FAF1: variants seen among roughly 807,000 people sequenced by gnomAD.
FAF1 encodes the protein FAS-associated factor 1.
A neutral mutation model predicts 92.5 loss-of-function variants in FAF1; 25 were observed. That is an observed-to-expected ratio of 0.27 (90% CI 0.20 to 0.38). The LOEUF is 0.38. Among genes scored for constraint, FAF1 ranks in the 10% least tolerant of loss-of-function variants. The pLI, the probability that FAF1 is intolerant of heterozygous loss-of-function variation, is 1.00. For missense variants in FAF1, 636 were observed against 793.3 expected, an observed-to-expected ratio of 0.80 and a Z score of 2.38; for synonymous variants, 234 against 273.2, an observed-to-expected ratio of 0.86 and a Z score of 1.42.
At chr1:50,880,479 G>C (rs527443062) in intron 1 of FAF1, among the ~76,000 whole-genome samples, 2 of 152,142 alleles carry the variant, frequency 1.3e-5, no homozygotes, top group Admixed American at 6.5e-5. Flanking sequence ...TCACAAGGAC[G>C]GGGCACTGAT....
chr1:50,836,820 C>T (rs1447441362), intron 2 of FAF1, among the ~76,000 whole-genome samples: 2 of 151,978 alleles, frequency 1.3e-5, no homozygotes, highest in African/African-American at 4.8e-5. Context: ...TAAGGATATT[C>T]TCTTTATAAC....
chr1:50,592,481 AT>A (rs1195090613), intron 9 of FAF1, among the ~76,000 whole-genome samples: 3 of 152,206 alleles, frequency 2.0e-5, no homozygotes, highest in Admixed American at 1.3e-4. Flanking sequence ...AAGAAAAAAT[AT>A]TAAATGATCG....
intron 8 of FAF1, among the ~76,000 whole-genome samples, chr1:50,650,284 C>CAAAAAAAAAAAAA: frequency 1.2e-5 from 1 of 84,254 alleles, no homozygotes; most frequent in Non-Finnish European, 2.3e-5. Flanking sequence ...AACTCTGTCT[C>CAAAAAAAAAAAAA]AAAAAAAAAA....
intron 2 of FAF1, among the ~76,000 whole-genome samples, chr1:50,847,649 G>T (rs988367061): frequency 6.6e-6 from 1 of 151,984 alleles, no homozygotes; most frequent in Non-Finnish European, 1.5e-5. Flanking sequence ...AAAGAGGAGA[G>T]AGAAAGAAAA....
intron 13 of FAF1, among the ~76,000 whole-genome samples, chr1:50,560,673 T>C (rs759965118): frequency 2.0e-5 from 3 of 152,238 alleles, no homozygotes; most frequent in Non-Finnish European, 4.4e-5. Flanking sequence ...CCAGCACTCA[T>C]AGCCAGCTGA....
intron 7 of FAF1, among the ~76,000 whole-genome samples, 178 bp from the exon 8 acceptor site, chr1:50,655,706 A>C (rs1014221675): frequency 2.8e-4 from 42 of 152,236 alleles, no homozygotes; most frequent in Admixed American, 1.9e-3. Flanking sequence ...TCAAATTTAA[A>C]AGCAGATTCT....
intron 6 of FAF1, among the ~76,000 whole-genome samples, chr1:50,737,088 C>T (rs1659170840): frequency 6.6e-6 from 1 of 152,032 alleles, no homozygotes. Context: ...TTTTGTTCAC[C>T]TTTGAACTTT....
intron 8 of FAF1, among the ~76,000 whole-genome samples, chr1:50,641,224 C>T (rs1370283901): frequency 1.3e-5 from 2 of 152,012 alleles, no homozygotes; most frequent in Non-Finnish European, 2.9e-5. Context: ...TTTACTATGT[C>T]ATTTAATCTA....
intron 1 of FAF1, among the ~76,000 whole-genome samples, chr1:50,937,505 T>A (rs908587799): frequency 1.3e-4 from 19 of 151,938 alleles, no homozygotes; most frequent in African/African-American, 4.6e-4. Flanking sequence ...AGTGATCCCC[T>A]AATTACCAAA....
chr1:50,547,450 G>A (rs1327918349), intron 13 of FAF1, among the ~76,000 whole-genome samples: 1 of 149,578 alleles, frequency 6.7e-6, no homozygotes, highest in Non-Finnish European at 1.5e-5. Context: ...TTTTGCTCTT[G>A]TTGCCCAGGC....
chr1:50,933,051 C>A (rs1645060557), intron 1 of FAF1, among the ~76,000 whole-genome samples: 1 of 152,132 alleles, frequency 6.6e-6, no homozygotes, highest in Non-Finnish European at 1.5e-5. Flanking sequence ...TGGGTCCGGC[C>A]CACAAAACCA....
At chr1:50,519,791 G>A (rs1647409650) in intron 15 of FAF1, among the ~76,000 whole-genome samples, 1 of 152,112 alleles carries the variant, frequency 6.6e-6, no homozygotes, top group Non-Finnish European at 1.5e-5. Context: ...CTTTCTTCTA[G>A]AAGATACTTC....
At chr1:50,626,162 AGAT>A (rs1177877643) in intron 8 of FAF1, among the ~76,000 whole-genome samples, 2 of 152,178 alleles carry the variant, frequency 1.3e-5, no homozygotes, top group Non-Finnish European at 2.9e-5. Context: ...TTATATTTTC[AGAT>A]GTGTTTCCAA....
intron 5 of FAF1, among the ~76,000 whole-genome samples, chr1:50,739,944 A>C (rs1326565286): frequency 6.6e-6 from 1 of 152,182 alleles, no homozygotes; most frequent in Non-Finnish European, 1.5e-5. Context: ...AAACTTGCTG[A>C]AGTACTTCAA....
intron 2 of FAF1, among the ~76,000 whole-genome samples, chr1:50,823,814 C>G (rs1380464014): frequency 6.6e-6 from 1 of 152,064 alleles, no homozygotes; most frequent in Non-Finnish European, 1.5e-5. Flanking sequence ...TTGGGGGGTA[C>G]AGACTCACAA....
intron 18 of FAF1, among the ~76,000 whole-genome samples, chr1:50,442,823 G>A (rs562306286): frequency 3.3e-5 from 5 of 152,192 alleles, no homozygotes; most frequent in Non-Finnish European, 7.3e-5. Flanking sequence ...TGGAAACCTG[G>A]TATGCTCAGG....
At chr1:50,756,441 G>T (rs1387753046) in intron 4 of FAF1, among the ~76,000 whole-genome samples, 1 of 149,902 alleles carries the variant, frequency 6.7e-6, no homozygotes, top group Non-Finnish European at 1.5e-5. Context: ...TTTGAGCAAA[G>T]CCATTCAACA....
chr1:50,527,829 CTCTCTCT>C lies in FAF1; in HGVS notation c.1494+7533_1494+7539del. On this transcript the variant is annotated intron_variant, in intron 15 of 18. Coordinates refer to ENST00000396153, the MANE Select transcript of FAF1 (RefSeq NM_007051.3). ...CTCTGCTGTCTCTCTCTCTCTCTCT[CTCTCTCT>C]CTCTCTCCCTCTCTCCCTCTCTCCC... Among the ~76,000 whole-genome samples, 4 of 130,842 alleles carry C rather than the reference CTCTCTCT, an allele frequency of 3.1e-5. No individual in the cohort carries two copies. The Admixed American group carries it at 3.1e-4, about 10-fold the overall frequency. The allele number at this position is 130,842 out of a possible 152,430, so 85.8% of individuals were successfully genotyped here. A position where few individuals can be genotyped will look rare whatever the true frequency, so the allele number is the denominator to read the frequency against.
intron 18 of FAF1, among the ~76,000 whole-genome samples, chr1:50,448,519 A>C (rs559395884): frequency 6.6e-6 from 1 of 152,268 alleles, no homozygotes; most frequent in African/African-American, 2.4e-5. Context: ...GTGAGAACAA[A>C]CTTATTTGCC....
Sources: allele counts gnomAD v4.1 joint callset (sites outside exome capture counted in the v4.1 genomes callset), GRCh38; gene constraint gnomAD v4.1.1; transcripts MANE v1.5; gene names NCBI Gene and HGNC (gene_info 2026-07-23, HGNC 2026-07-21).